PLCH2: variants seen among roughly 807,000 people sequenced by gnomAD.
PLCH2 encodes 1-phosphatidylinositol 4,5-bisphosphate phosphodiesterase eta-2.
Under a neutral mutation model 134.7 loss-of-function variants are expected in PLCH2, and 98 were observed. The observed-to-expected ratio is 0.73, with a 90% CI of 0.62 to 0.86. The LOEUF is 0.86. PLCH2 is among the 40% of genes least tolerant of loss of function. PLCH2 has a pLI of 0.00. For synonymous variants in PLCH2, 974 were observed against 827.5 expected (o/e 1.18, Z -3.04); for missense variants, 1,994 against 1,986.6 (o/e 1.00, Z -0.07).
intron 10 of PLCH2, among the ~76,000 whole-genome samples, chr1:2,490,600 C>T (rs930814558): frequency 1.3e-4 from 20 of 152,316 alleles, no homozygotes; most frequent in Admixed American, 9.8e-4. Context: ...CCTGGCCACG[C>T]GGCCAACCAT....
chr1:2,491,244 C>T lies in PLCH2; in HGVS notation c.1568C>T (p.Ser523Phe). 3 of 1,613,086 alleles carry T rather than the reference C, an allele frequency of 1.9e-6. No individual in the cohort carries two copies. Among genetic ancestry groups the T allele is most frequent in the Non-Finnish European group, 2.5e-6 (3 of 1,179,632 alleles). Residue 523 changes from serine to phenylalanine, a missense_variant, in exon 11 of 22, where the codon TCC becomes TTC. By Grantham distance (155) the Ser-to-Phe change is radical (BLOSUM62 -2). Around this residue, in one of 2 missense-constraint regions of PLCH2, gnomAD observed 1,094 missense variants for 1,234.3 expected, o/e 0.89. Transcript: ENST00000378486. ...VENTAKRKLD[S>F]LIKESKIRDC... ...AACACTGCTAAGAGGAAACTGGATT[C>T]CCTCATCAAAGAGTCGAAGATTCGG...
At chr1:2,502,008 C>T (rs1044013496) in intron 20 of PLCH2, 104 bp from the exon 21 acceptor site, 8 of 1,077,658 alleles carry the variant, frequency 7.4e-6, no homozygotes, top group Non-Finnish European at 1.0e-5. Context: ...GACCGAGACA[C>T]GCATGGCACG....
At chr1:2,497,386 C>T in intron 15 of PLCH2, 116 bp from the exon 16 acceptor site, 2 of 713,744 alleles carry the variant, frequency 2.8e-6, no homozygotes, top group Non-Finnish European at 4.9e-6. Context: ...GAACGAGGGG[C>T]AGACGGCAGA....
rs548867774 is a variant in PLCH2 at position 2,470,827 on chromosome 1, G to A, written c.43+3165G>A. Among the ~76,000 whole-genome samples the A allele has an allele frequency of 1.1e-4, 16 of 152,314 alleles. No individual in the cohort carries two copies. In the South Asian group the frequency reaches 2.9e-3, roughly 28 times the overall value. ...ACTTTTCAGGAAAGGCTCCCCCACCGTGGCTGCCACGAGCCTGGCTCCCTC... is the reference window on the plus strand; with the variant it reads ...ACTTTTCAGGAAAGGCTCCCCCACCATGGCTGCCACGAGCCTGGCTCCCTC... On this transcript the variant is annotated intron_variant, in intron 1 of 21. Coordinates refer to the PLCH2 transcript ENST00000449969.
the PLCH2 span, among the ~76,000 whole-genome samples, chr1:2,419,382 T>A: frequency 1.3e-5 from 2 of 152,194 alleles, no homozygotes; most frequent in African/African-American, 4.8e-5. Context: ...GTCCTTGAGT[T>A]TCCCACTGAT....
At chr1:2,441,900 A>C (rs1639709593) in intron 2 of PLCH2, among the ~76,000 whole-genome samples, 1 of 152,156 alleles carries the variant, frequency 6.6e-6, no homozygotes, top group South Asian at 2.1e-4. Context: ...TAGTGATGAC[A>C]GAGGCTTCAC....
chr1:2,489,424 G>A lies in PLCH2; in HGVS notation c.1407+46G>A, dbSNP rs2985847. 2.1e-4 allele frequency: 334 copies of A among 1,594,576 alleles called. 1 individual carries two copies. In the African/African-American group the frequency reaches 3.8e-3, roughly 18 times the overall value. The stretch of plus-strand genomic sequence containing the variant: ...CTGGGACCAGCTCACACAGAGTCTC[G>A]GGCCTGCAGCAGTGCCCTGCTCCAG... On this transcript the variant is annotated intron_variant, in intron 9 of 21. Coordinates refer to ENST00000378486, the MANE Select transcript of PLCH2 (RefSeq NM_014638.4).
intron 21 of PLCH2, chr1:2,503,401 TGC>T (rs1643346599): frequency 1.7e-6 from 1 of 587,700 alleles, no homozygotes. Flanking sequence ...GGGCGTCTCC[TGC>T]GCCCCTGGGA....
chr1:2,441,015 C>A (rs1165886452), intron 2 of PLCH2, among the ~76,000 whole-genome samples: 1 of 152,204 alleles, frequency 6.6e-6, no homozygotes, highest in Admixed American at 6.5e-5. Context: ...ACCATGCTGT[C>A]CGGGAAAGGG....
chr1:2,497,575 C>T lies in PLCH2; in HGVS notation c.2190C>T (p.Cys730=), dbSNP rs777973464. Residue 730 remains cysteine (C), a synonymous_variant, in exon 16 of 22, where the codon TGC becomes TGT. Coordinates refer to ENST00000378486, the MANE Select transcript of PLCH2 (RefSeq NM_014638.4). ...NRAKFSANGG[C]GYVLKPGCMC... is the part of the protein sequence containing the mutation. ...CCAAGTTCAGCGCCAACGGTGGCTG[C>T]GGCTACGTACTCAAGCCTGGGTGCA... 27 of 1,562,552 alleles carry T rather than the reference C, an allele frequency of 1.7e-5. No individual in the cohort carries two copies. Among genetic ancestry groups the T allele is most frequent in the Non-Finnish European group, 2.0e-5 (23 of 1,154,040 alleles).
intron 2 of PLCH2, among the ~76,000 whole-genome samples, chr1:2,455,196 G>A (rs1640431176): frequency 2.0e-5 from 3 of 152,350 alleles, no homozygotes; most frequent in East Asian, 1.9e-4. Context: ...GCTTAGCCCG[G>A]GCATGGGACC....
rs1039519520 is a variant in PLCH2 at position 2,499,244 on chromosome 1, G to A, written c.2581+14G>A. On this transcript the variant is annotated intron_variant, in intron 19 of 21. Transcript: ENST00000378486. ...GCATGATGCCAGGTGGGCAGGAGTG[G>A]ACACGGTGCCCCCCACACTGGCCGA... 2 of 1,612,064 alleles carry A rather than the reference G, an allele frequency of 1.2e-6. No individual in the cohort carries two copies. The highest frequency in any genetic ancestry group is 1.7e-6 in the Non-Finnish European group (2 of 1,179,512).
chr1:2,491,407 GC>G lies in PLCH2; in HGVS notation c.1659+77del, dbSNP rs1353042732. 5 of 1,521,300 alleles carry G rather than the reference GC, an allele frequency of 3.3e-6. No individual in the cohort carries two copies. The East Asian group carries it at 1.1e-4, about 34-fold the overall frequency. 94.2% of individuals were successfully genotyped at this position (1,521,300 alleles called of 1,614,324 possible). A position where few individuals can be genotyped will look rare whatever the true frequency, so the allele number is the denominator to read the frequency against. ...ACAGCCAGCCTGTGGGCCAGCCAGG[GC>G]CCCCGAACGTATGCTCTGTGCGCAC... On this transcript the variant is annotated intron_variant, in intron 11 of 21. Coordinates refer to ENST00000378486, the MANE Select transcript of PLCH2 (RefSeq NM_014638.4).
chr1:2,434,581 T>C (rs1475336513), intron 2 of PLCH2, among the ~76,000 whole-genome samples: 2 of 152,188 alleles, frequency 1.3e-5, no homozygotes, highest in African/African-American at 4.8e-5. Flanking sequence ...TCCTTTGAGA[T>C]GCAGAACCCT....
chr1:2,483,669 T>C (rs114637672), intron 4 of PLCH2, among the ~76,000 whole-genome samples: 2,408 of 152,126 alleles, frequency 0.016, 40 homozygotes, highest in South Asian at 0.037. Flanking sequence ...ATGGGGACTT[T>C]ATTGCTGCCA....
chr1:2,476,911 G>A (rs565228263), intron 1 of PLCH2, among the ~76,000 whole-genome samples, 199 bp downstream of exon 1: 20 of 152,218 alleles, frequency 1.3e-4, no homozygotes, highest in African/African-American at 4.1e-4. Flanking sequence ...GCTCAGAGGC[G>A]TGCTCAGCAC....
rs1428468691 is a variant in PLCH2 at position 2,498,780 on chromosome 1, C to T, written c.2386C>T (p.Leu796Phe). The change falls in exon 18 of 22, where the codon CTC becomes TTC. Residue 796 changes from leucine to phenylalanine, a missense_variant. Transcript: ENST00000378486. The surrounding 1 kb of genome is among the most constrained non-coding windows in gnomAD (Gnocchi z 5.4). ...DPFVEVEIIG[L>F]PVDCSREQTR... is the part of the protein sequence containing the mutation. ...CTTTGTGGAGGTGGAGATCATTGGG[C>T]TCCCTGTGGACTGCAGCAGGGAGCA... 8 of 1,611,388 alleles carry T rather than the reference C, an allele frequency of 5.0e-6. No individual in the cohort carries two copies. The highest frequency in any genetic ancestry group is 5.9e-6 in the Non-Finnish European group (7 of 1,179,210).
chr1:2,447,742 G>A (rs554251827), intron 2 of PLCH2, among the ~76,000 whole-genome samples: 1 of 152,334 alleles, frequency 6.6e-6, no homozygotes, highest in South Asian at 2.1e-4. Context: ...CCTCCCTGAT[G>A]TGGCCCGGTC....
the PLCH2 span, among the ~76,000 whole-genome samples, chr1:2,419,476 C>T: frequency 8.5e-5 from 13 of 152,246 alleles, no homozygotes; most frequent in Non-Finnish European, 1.5e-4. Context: ...GGGCCTCGGC[C>T]GTTGGTCGGG....
Sources: gnomAD v4.1 joint callset for allele counts (sites outside exome capture counted in the v4.1 genomes callset) on GRCh38, gnomAD v4.1.1 for gene constraint, gnomAD v4.1.1 regional missense constraint, Gnocchi (gnomAD v3.1) non-coding constraint, MANE v1.5 for transcripts, NCBI Gene and HGNC (gene_info 2026-07-23, HGNC 2026-07-21) for gene names.